The following ANK2 variants were observed in gnomAD, a reference collection of about 807,000 sequenced individuals.
The protein encoded by ANK2 is ankyrin-2.
In ANK2, 83 loss-of-function variants were observed where a neutral mutation model predicts 360.5. That is an observed-to-expected ratio of 0.23 (90% CI 0.19 to 0.28). The LOEUF is 0.28. ANK2 is among the 10% of genes least tolerant of loss of function. ANK2 has a pLI of 1.00. For missense variants in ANK2, 4,201 were observed against 4,795.7 expected, an observed-to-expected ratio of 0.88 and a Z score of 3.66; for synonymous variants, 1,740 against 1,759.5, an observed-to-expected ratio of 0.99 and a Z score of 0.28.
the ANK2 span, among the ~76,000 whole-genome samples, chr4:112,781,008 TA>T: frequency 6.6e-6 from 1 of 152,212 alleles, no homozygotes; most frequent in Non-Finnish European, 1.5e-5. Flanking sequence ...AAAAAGTTAT[TA>T]TTTTTTTGAG....
intron 1 of ANK2, among the ~76,000 whole-genome samples, chr4:113,167,690 G>A (rs1464625282): frequency 6.6e-6 from 1 of 152,114 alleles, no homozygotes; most frequent in Non-Finnish European, 1.5e-5. Flanking sequence ...TTGATATGTA[G>A]GAAGTGTACA....
chr4:112,839,364 T>C (rs1229594896), intron 1 of ANK2, among the ~76,000 whole-genome samples: 1 of 152,188 alleles, frequency 6.6e-6, no homozygotes. Context: ...GGCTTTTTTT[T>C]TTCAATGAAA....
At chr4:113,173,074 A>G (rs927471260) in intron 1 of ANK2, among the ~76,000 whole-genome samples, 9 of 152,212 alleles carry the variant, frequency 5.9e-5, no homozygotes, top group African/African-American at 2.2e-4. Context: ...TCAGGGCATG[A>G]ATTCTGGATG....
At chr4:113,012,025 G>GCAA (rs772945705) in intron 2 of ANK2, among the ~76,000 whole-genome samples, 11 of 151,902 alleles carry the variant, frequency 7.2e-5, no homozygotes, top group South Asian at 4.2e-4. Context: ...ATGTTTAAAA[G>GCAA]CAACAACAAC....
intron 2 of ANK2, among the ~76,000 whole-genome samples, chr4:113,039,533 AT>A (rs34577282): frequency 0.18 from 27,660 of 150,492 alleles, 2,721 homozygotes; most frequent in East Asian, 0.35. Flanking sequence ...TGATTTACAT[AT>A]TTTTTTTTTC....
the ANK2 span, among the ~76,000 whole-genome samples, chr4:112,754,143 AT>A: frequency 1.4e-4 from 17 of 118,404 alleles, no homozygotes; most frequent in African/African-American, 4.7e-4. Flanking sequence ...ATATATATAT[AT>A]ATATAAAATT....
At chr4:113,330,491 T>C in intron 27 of ANK2, 21 bp downstream of exon 27, 1 of 1,610,576 alleles carries the variant, frequency 6.2e-7, no homozygotes, top group Non-Finnish European at 8.5e-7. Context: ...CTGATAAACC[T>C]CCCACTTAGT....
Position 113,367,661 on chromosome 4 carries a change from C to T in ANK2, c.11128C>T (p.Pro3710Ser), listed in dbSNP as rs1326750871. Residue 3710 changes from proline (P) to serine (S), a missense_variant, in exon 42 of 46, where the codon CCT becomes TCT. This residue lies in a region of ANK2 where 2,642 missense variants were observed against 2,714.5 expected (regional missense o/e 0.97). Coordinates refer to ENST00000357077, the MANE Select transcript of ANK2 (RefSeq NM_001148.6). ...AGAAAGTGAGACCTGCGATCACCCT[C>T]CTATCGTCTCAGAGGAAGACATTTC... ...SKESETCDHP[P>S]IVSEEDISVG... 6.2e-7 allele frequency: 1 copy of T among 1,613,886 alleles called. No individual in the cohort carries two copies. Among genetic ancestry groups the T allele is most frequent in the Admixed American group, 1.7e-5 (1 of 60,004 alleles).
At chr4:113,120,423 G>A (rs1403061945) in intron 1 of ANK2, among the ~76,000 whole-genome samples, 1 of 151,992 alleles carries the variant, frequency 6.6e-6, no homozygotes, top group Admixed American at 6.6e-5. Flanking sequence ...ATTTATCAGC[G>A]TTTTCACAAA....
intron 1 of ANK2, among the ~76,000 whole-genome samples, chr4:112,855,130 A>G (rs1428891909): frequency 2.6e-5 from 4 of 152,180 alleles, no homozygotes. Context: ...TGACAATTAA[A>G]TGCTTGGAGC....
the ANK2 span, among the ~76,000 whole-genome samples, chr4:112,809,725 TACA>T: frequency 6.7e-6 from 1 of 149,440 alleles, no homozygotes; most frequent in African/African-American, 2.5e-5. Flanking sequence ...CTACTAAAAA[TACA>T]ACAACTGAGG....
chr4:112,711,679 G>T, the ANK2 span, among the ~76,000 whole-genome samples: 12 of 151,834 alleles, frequency 7.9e-5, no homozygotes, highest in African/African-American at 2.9e-4. Flanking sequence ...AATTAGCCGG[G>T]TGTAGTGGAG....
At chr4:112,890,584 T>TTTTTTTTA (rs2079714834) in intron 1 of ANK2, among the ~76,000 whole-genome samples, 1 of 127,020 alleles carries the variant, frequency 7.9e-6, no homozygotes, top group Non-Finnish European at 1.7e-5. Context: ...TTTTTTTTTT[T>TTTTTTTTA]GAGACGGAGT....
chr4:113,256,101 G>C (rs1298108794), intron 11 of ANK2, among the ~76,000 whole-genome samples, 169 bp downstream of exon 11: 3 of 152,206 alleles, frequency 2.0e-5, no homozygotes, highest in Non-Finnish European at 4.4e-5. Context: ...TTCATAGTTT[G>C]TTAGCAAATG....
At chr4:113,100,576 A>G (rs1399900940) in intron 1 of ANK2, among the ~76,000 whole-genome samples, 1 of 152,166 alleles carries the variant, frequency 6.6e-6, no homozygotes, top group Non-Finnish European at 1.5e-5. Context: ...GTAGTGTCTT[A>G]GCAAGGCTAA....
chr4:113,255,353 T>C (rs189076583), intron 10 of ANK2, among the ~76,000 whole-genome samples: 3 of 152,348 alleles, frequency 2.0e-5, no homozygotes, highest in Admixed American at 2.0e-4. Flanking sequence ...TTATAAGAAA[T>C]GCAGGCAGAG....
chr4:112,924,030 G>A (rs1581234739), intron 2 of ANK2, among the ~76,000 whole-genome samples: 1 of 152,164 alleles, frequency 6.6e-6, no homozygotes, highest in East Asian at 1.9e-4. Flanking sequence ...AAGATATACT[G>A]ACATTTTAAA....
chr4:113,156,389 A>ATTTTTTTTTTTTTTT (rs1562481290), intron 1 of ANK2, among the ~76,000 whole-genome samples: 1 of 137,940 alleles, frequency 7.2e-6, no homozygotes, highest in African/African-American at 2.7e-5. Flanking sequence ...TTTGTTTTTG[A>ATTTTTTTTTTTTTTT]GACAGAGTTT....
chr4:112,739,813 A>G, the ANK2 span, among the ~76,000 whole-genome samples: 30 of 152,182 alleles, frequency 2.0e-4, no homozygotes, highest in African/African-American at 7.2e-4. Flanking sequence ...AAAGACCAAG[A>G]CCAGGCTAGG....
Sources: allele counts gnomAD v4.1 joint callset (sites outside exome capture counted in the v4.1 genomes callset), GRCh38; gene constraint gnomAD v4.1.1; regional missense constraint gnomAD v4.1.1; transcripts MANE v1.5; gene names NCBI Gene and HGNC (gene_info 2026-07-23, HGNC 2026-07-21).